Variants in DNAJA4 observed in about 807,000 individuals in gnomAD.
DNAJA4 encodes the protein DnaJ heat shock protein family (Hsp40) member A4.
Under a neutral mutation model 39.7 loss-of-function variants are expected in DNAJA4, and 32 were observed. That is an observed-to-expected ratio of 0.81 (90% CI 0.61 to 1.08). The LOEUF is 1.08. DNAJA4 is among the 50% of genes least tolerant of loss of function. The pLI is 0.00. For synonymous variants in DNAJA4, 184 were observed against 182.4 expected, an observed-to-expected ratio of 1.01 and a Z score of -0.07; for missense variants, 439 against 505.1, an observed-to-expected ratio of 0.87 and a Z score of 1.25.
intron 5 of DNAJA4, among the ~76,000 whole-genome samples, chr15:78,277,227 CAG>C (rs1337625003): frequency 4.6e-5 from 7 of 152,220 alleles, no homozygotes; most frequent in African/African-American, 1.7e-4. Context: ...CTCTGTCGCC[CAG>C]GCTGGAGTGC....
chr15:78,270,240 C>T, intron 1 of DNAJA4: 1 of 336,914 alleles, frequency 3.0e-6, no homozygotes, highest in African/African-American at 2.1e-5. Flanking sequence ...AGAAACTTTC[C>T]CTCTCTACTG....
At chr15:78,277,922 G>T in intron 5 of DNAJA4, 2 of 388,150 alleles carry the variant, frequency 5.2e-6, no homozygotes, top group Admixed American at 3.4e-5. Flanking sequence ...TGTCCTTTTT[G>T]TTTTGTTTTT....
At chr15:78,266,058 C>T in intron 1 of DNAJA4, 1 of 604,830 alleles carries the variant, frequency 1.7e-6, no homozygotes, top group Non-Finnish European at 2.9e-6. Context: ...GTCTGTTACT[C>T]ACTTGCGTTC....
intron 1 of DNAJA4, among the ~76,000 whole-genome samples, chr15:78,269,205 G>A (rs2049227132): frequency 6.6e-6 from 1 of 152,198 alleles, no homozygotes; most frequent in African/African-American, 2.4e-5. Flanking sequence ...GTAGAGGTTT[G>A]AGCAGAGGAT....
Position 78,270,060 on chromosome 15 carries a change from G to C in DNAJA4, c.133-437G>C, listed in dbSNP as rs139806729. 636 of 154,486 alleles carry C rather than the reference G, an allele frequency of 4.1e-3. 2 individuals carry two copies. Among genetic ancestry groups the C allele is most frequent in the Middle Eastern group, 0.017 (5 of 302 alleles). 9.6% of individuals were successfully genotyped at this position (154,486 alleles called of 1,614,324 possible). On this transcript the variant is annotated intron_variant, in intron 1 of 6. Transcript: ENST00000394852. The stretch of plus-strand genomic sequence containing the variant: ...GGCACGTGGTTAGATGCTCACAGAT[G>C]CCTGTAGTTGAATTTCATTCTAGTA...
chr15:78,278,787 G>A (rs1473609141), intron 5 of DNAJA4, among the ~76,000 whole-genome samples: 1 of 150,218 alleles, frequency 6.7e-6, no homozygotes, highest in African/African-American at 2.5e-5. Context: ...AAGTAGCTGG[G>A]ATTACAGGCA....
chr15:78,278,588 G>A (rs910086041), intron 5 of DNAJA4, among the ~76,000 whole-genome samples: 1 of 152,182 alleles, frequency 6.6e-6, no homozygotes, highest in African/African-American at 2.4e-5. Context: ...TAAAAGTTTG[G>A]TGTAATCTTT....
rs557635382 is a variant in DNAJA4 at position 78,279,843 on chromosome 15, C to T, written c.878-202C>T. ...CACTGCTGGAGCCCAGAGCACAGGCCAGAGTCTCAGCCTGAGCCCCTTCCC... is the reference window on the plus strand; with the variant it reads ...CACTGCTGGAGCCCAGAGCACAGGCTAGAGTCTCAGCCTGAGCCCCTTCCC... On this transcript the variant is annotated intron_variant, in intron 5 of 6. Coordinates refer to ENST00000394852, the MANE Select transcript of DNAJA4 (RefSeq NM_001130182.2). The surrounding 1 kb of genome is among the most constrained non-coding windows in gnomAD (Gnocchi z 4.5). 47 of 602,268 alleles carry T rather than the reference C, an allele frequency of 7.8e-5. No individual in the cohort carries two copies. In the South Asian group the frequency reaches 9.1e-4, roughly 12 times the overall value. 37.3% of individuals were successfully genotyped at this position (602,268 alleles called of 1,614,324 possible).
chr15:78,270,547 G>C lies in DNAJA4; in HGVS notation c.183G>C (p.Arg61Ser). ...AAGTGCTTTCAGATCCAAAGAAAAG[G>C]GATGTTTATGACCAAGGCGGAGAGC... ...AYEVLSDPKK[R>S]DVYDQGGEQA... The change falls in exon 2 of 7, where the codon AGG becomes AGC. Residue 61 changes from arginine to serine, a missense_variant. By Grantham distance (110) the Arg-to-Ser change is moderately radical. Transcript: ENST00000394852. 6.2e-7 allele frequency: 1 copy of C among 1,614,114 alleles called. No homozygotes were observed. The highest frequency in any genetic ancestry group is 1.1e-5 in the South Asian group (1 of 91,074).
chr15:78,279,812 T>A lies in DNAJA4; in HGVS notation c.878-233T>A. On this transcript the variant is annotated intron_variant, in intron 5 of 6. Coordinates refer to ENST00000394852, the MANE Select transcript of DNAJA4 (RefSeq NM_001130182.2). This position sits in a 1 kb window ranked among gnomAD's most constrained non-coding sequence, Gnocchi z 4.5. ...ATGGCAGCTGCACCATGCTGCCCTC[T>A]TGACACACTGCTGGAGCCCAGAGCA... 1 of 583,978 alleles carries A rather than the reference T, an allele frequency of 1.7e-6. No individual in the cohort carries two copies. The highest frequency in any genetic ancestry group is 2.1e-5 in the South Asian group (1 of 48,208). The allele number at this position is 583,978 out of a possible 1,614,324, so 36.2% of individuals were successfully genotyped here.
At chr15:78,264,491 G>C, upstream of DNAJA4, 1 of 1,249,950 alleles carries the variant, frequency 8.0e-7, no homozygotes. Flanking sequence ...GGCCTTTGTG[G>C]CGTCACCGTC....
intron 1 of DNAJA4, among the ~76,000 whole-genome samples, chr15:78,267,145 T>TGTGTGTGA (rs1555438014): frequency 4.2e-5 from 4 of 95,584 alleles, no homozygotes; most frequent in African/African-American, 1.5e-4. Flanking sequence ...TATGTGAGTG[T>TGTGTGTGA]GTGTGTGAGT....
rs138658488 is a variant in DNAJA4 at position 78,278,174 on chromosome 15, C to T, written c.878-1871C>T. 5.5e-4 allele frequency: 249 copies of T among 455,926 alleles called. No individual in the cohort carries two copies. In the Middle Eastern group the frequency reaches 0.013, roughly 24 times the overall value. 28.2% of individuals were successfully genotyped at this position (455,926 alleles called of 1,614,324 possible). A position where few individuals can be genotyped will look rare whatever the true frequency, so the allele number is the denominator to read the frequency against. ...TGCCTGCAGGCAGGTATTTACCTGC[C>T]GGGAGAGCCTAACTCGTGGTCTTCT... On this transcript the variant is annotated intron_variant, in intron 5 of 6. Coordinates refer to ENST00000394852, the MANE Select transcript of DNAJA4 (RefSeq NM_001130182.2).
At position 78,264,579 on chromosome 15, in the gene DNAJA4, C is replaced by T. The variant is rs1192949149; in HGVS notation, c.-185C>T. ...GTGGCTCTAGTGCGGTGGAGCCAGGCGTGGAAGTCGGTCCGGCGCGGGGCG... is the reference window on the plus strand; with the variant it reads ...GTGGCTCTAGTGCGGTGGAGCCAGGTGTGGAAGTCGGTCCGGCGCGGGGCG... On this transcript the variant is annotated 5_prime_UTR_variant, in exon 1 of 7. Transcript: ENST00000394852. The T allele has an allele frequency of 1.7e-6, 2 of 1,189,786 alleles. No homozygotes were observed. Among genetic ancestry groups the T allele is most frequent in the Non-Finnish European group, 2.1e-6 (2 of 961,802 alleles). The allele number at this position is 1,189,786 out of a possible 1,614,324, so 73.7% of individuals were successfully genotyped here. A position where few individuals can be genotyped will look rare whatever the true frequency, so the allele number is the denominator to read the frequency against.
Position 78,280,605 on chromosome 15 carries a change from G to T in DNAJA4, c.*145G>T. 1 of 682,570 alleles carries T rather than the reference G, an allele frequency of 1.5e-6. No individual in the cohort carries two copies. Among genetic ancestry groups the T allele is most frequent in the Admixed American group, 3.2e-5 (1 of 31,312 alleles). 42.3% of individuals were successfully genotyped at this position (682,570 alleles called of 1,614,324 possible). On this transcript the variant is annotated 3_prime_UTR_variant, in exon 7 of 7. Coordinates refer to ENST00000394852, the MANE Select transcript of DNAJA4 (RefSeq NM_001130182.2). ...ATTCTTAATTGCTGAGTGTCTTTTT[G>T]GCTTTTCTTTTGGTTGTAACTTAAG...
intron 1 of DNAJA4, among the ~76,000 whole-genome samples, chr15:78,267,393 C>T (rs2049170331): frequency 6.6e-6 from 1 of 151,986 alleles, no homozygotes; most frequent in African/African-American, 2.4e-5. Flanking sequence ...CCCTGTTGTC[C>T]CCTGTTGCTA....
At position 78,264,673 on chromosome 15, in the gene DNAJA4, G is replaced by GGGGGCGCGGGCCA. The variant is rs1195702365; in HGVS notation, c.-74_-62dup. On this transcript the variant is annotated 5_prime_UTR_variant, in exon 1 of 7. Transcript: ENST00000394852. ...TGACCGTGACGCGCGAGCGGGCGGC[G>GGGGGCGCGGGCCA]GGGGCGCGGGCCAGGGGCGCGGGCC... 15 of 1,025,130 alleles carry GGGGGCGCGGGCCA rather than the reference G, an allele frequency of 1.5e-5. No homozygotes were observed. Among genetic ancestry groups the GGGGGCGCGGGCCA allele is most frequent in the Middle Eastern group, 4.6e-4 (1 of 2,162 alleles). The allele number at this position is 1,025,130 out of a possible 1,614,324, so 63.5% of individuals were successfully genotyped here.
At chr15:78,264,981 A>G (rs1595921151) in intron 1 of DNAJA4, 86 bp downstream of exon 1, 1 of 1,397,490 alleles carries the variant, frequency 7.2e-7, no homozygotes. Context: ...GGGAAACCTG[A>G]GCCGCGTTTG....
chr15:78,276,809 G>A (rs1162349146), intron 5 of DNAJA4, among the ~76,000 whole-genome samples: 1 of 152,244 alleles, frequency 6.6e-6, no homozygotes, highest in Non-Finnish European at 1.5e-5. Flanking sequence ...CCCCAGGGCA[G>A]TGGCAGCTGG....
Sources: allele counts gnomAD v4.1 joint callset (sites outside exome capture counted in the v4.1 genomes callset), GRCh38; gene constraint gnomAD v4.1.1; non-coding constraint Gnocchi (gnomAD v3.1); transcripts MANE v1.5; gene names NCBI Gene and HGNC (gene_info 2026-07-23, HGNC 2026-07-21).